Variants in AFAP1L1 observed in about 807,000 individuals in gnomAD.
The protein encoded by AFAP1L1 is actin filament-associated protein 1-like 1.
In AFAP1L1, 77 loss-of-function variants were observed where a neutral mutation model predicts 99.8. The ratio of observed to expected loss-of-function variants is 0.77; its 90% confidence interval spans 0.64 to 0.93. The LOEUF is 0.93. AFAP1L1 is among the 40% of genes least tolerant of loss of function. The probability of loss-of-function intolerance (pLI) is 0.00; values close to 1 mark genes in which losing one functional copy is unlikely to be tolerated. For missense variants in AFAP1L1, 893 were observed against 996.8 expected, an observed-to-expected ratio of 0.90 and a Z score of 1.40; for synonymous variants, 373 against 395.3, an observed-to-expected ratio of 0.94 and a Z score of 0.67.
intron 5 of AFAP1L1, among the ~76,000 whole-genome samples, chr5:149,302,907 C>G (rs1219633437): frequency 1.3e-5 from 2 of 152,178 alleles, no homozygotes; most frequent in Non-Finnish European, 2.9e-5. Flanking sequence ...AAACTGCTAA[C>G]CCAAGTGCTC....
chr5:149,303,975 C>G (rs1047797016), intron 5 of AFAP1L1, among the ~76,000 whole-genome samples: 6 of 152,164 alleles, frequency 3.9e-5, no homozygotes, highest in African/African-American at 1.2e-4. Context: ...TATCTAGTCC[C>G]CAAACATTGT....
intron 7 of AFAP1L1, among the ~76,000 whole-genome samples, chr5:149,307,818 T>TTCTCTCTCTCTCTC (rs70973517): frequency 0.13 from 12,951 of 100,288 alleles, 2,557 homozygotes; most frequent in African/African-American, 0.16. Flanking sequence ...GTGCCTCTCT[T>TTCTCTCTCTCTCTC]TCTCTCTCTC....
Position 149,339,896 on chromosome 5 carries a change from C to T in AFAP1L1, c.2284-111C>T, listed in dbSNP as rs368786735. On this transcript the variant is annotated intron_variant, in intron 18 of 18. Transcript: ENST00000296721. ...AGAGAGAGAGGGGGTTAGAACCCAA[C>T]GCAACCTGGCTAGTGGAGATCTTCA... The T allele has an allele frequency of 1.2e-4, 148 of 1,184,046 alleles. 2 individuals are homozygous for T. The South Asian group carries it at 1.4e-3, about 11-fold the overall frequency. The allele number at this position is 1,184,046 out of a possible 1,614,324, so 73.3% of individuals were successfully genotyped here.
At chr5:149,281,249 T>C (rs1755511883) in intron 1 of AFAP1L1, among the ~76,000 whole-genome samples, 1 of 152,128 alleles carries the variant, frequency 6.6e-6, no homozygotes, top group African/African-American at 2.4e-5. Context: ...CAGCCCTGAG[T>C]TTCTTTTCTG....
chr5:149,340,258 G>C lies in AFAP1L1; in HGVS notation c.*228G>C. 1.9e-6 allele frequency: 1 copy of C among 531,014 alleles called. No individual in the cohort carries two copies. The highest frequency in any genetic ancestry group is 3.1e-5 in the Admixed American group (1 of 32,558). The allele number at this position is 531,014 out of a possible 1,614,324, so 32.9% of individuals were successfully genotyped here. On this transcript the variant is annotated 3_prime_UTR_variant, in exon 19 of 19. Transcript: ENST00000296721. ...CATCCTTATGACTTTACAAAGGGTG[G>C]AAATGAGGATGGAGGGATACAGAAG... is the stretch of plus-strand genomic sequence containing the variant.
intron 1 of AFAP1L1, among the ~76,000 whole-genome samples, chr5:149,279,579 A>G (rs531550474): frequency 6.6e-6 from 1 of 152,224 alleles, no homozygotes; most frequent in Non-Finnish European, 1.5e-5. Context: ...GCCTGATGCA[A>G]TTAAGGACAG....
intron 14 of AFAP1L1, among the ~76,000 whole-genome samples, chr5:149,321,830 A>G (rs1756961479): frequency 6.6e-6 from 1 of 151,614 alleles, no homozygotes; most frequent in Non-Finnish European, 1.5e-5. Context: ...ACTTAAGCCC[A>G]GGAGTTTGAG....
intron 1 of AFAP1L1, among the ~76,000 whole-genome samples, chr5:149,274,748 G>A (rs542591404): frequency 3.3e-5 from 5 of 152,106 alleles, no homozygotes; most frequent in Non-Finnish European, 5.9e-5. Context: ...GTGTGGTGGC[G>A]GGCGCCTGTA....
chr5:149,305,859 CAG>C (rs1252942347), intron 5 of AFAP1L1, among the ~76,000 whole-genome samples: 1 of 147,614 alleles, frequency 6.8e-6, no homozygotes, highest in African/African-American at 2.5e-5. Context: ...GTGCAAAAAT[CAG>C]AGCTGCGACC....
At position 149,316,108 on chromosome 5, in the gene AFAP1L1, G is replaced by A. The variant is rs755220444; in HGVS notation, c.1115-43G>A. ...CACAAGGAAGACTAAGGATGGGTGG[G>A]ACTCAGGGCTCCCTCCACTCCCCTG... On this transcript the variant is annotated intron_variant, in intron 10 of 18. Transcript: ENST00000296721. 12 of 1,599,002 alleles carry A rather than the reference G, an allele frequency of 7.5e-6. No individual in the cohort carries two copies. In the South Asian group the frequency reaches 1.3e-4, roughly 18 times the overall value.
intron 1 of AFAP1L1, among the ~76,000 whole-genome samples, chr5:149,277,895 G>T (rs745666842): frequency 6.6e-6 from 1 of 152,132 alleles, no homozygotes; most frequent in African/African-American, 2.4e-5. Context: ...CCCTATGGAG[G>T]CTTCTCCTGG....
chr5:149,305,946 G>A lies in AFAP1L1; in HGVS notation c.437-360G>A, dbSNP rs148597324. On this transcript the variant is annotated intron_variant, in intron 5 of 18. Coordinates refer to ENST00000296721, the MANE Select transcript of AFAP1L1 (RefSeq NM_152406.4). ...CCATGCACACATGCAATGCTCTGGG[G>A]TCATTGAGGAGGAGCTGACCACTCA... Among the ~76,000 whole-genome samples, 5 of 151,542 alleles carry A rather than the reference G, an allele frequency of 3.3e-5. No individual in the cohort carries two copies. In the East Asian group the frequency reaches 9.9e-4, roughly 30 times the overall value.
In AFAP1L1 at chr5:149,316,157, G is replaced by T; in HGVS notation, c.1121G>T (p.Gly374Val). ...GRRETCDHGKGKKSSLAELKG... is the reference protein window; with the variant it reads ...GRRETCDHGKVKKSSLAELKG... ...TGACCCATTTCCCCAACAGGCAAAG[G>T]GAAGAAGAGCAGCCTGGCAGAACTG... The change falls in exon 11 of 19, where the codon GGG (glycine) becomes GTG (valine). Residue 374 changes from glycine (G) to valine (V), a missense_variant. Gly to Val is a moderately radical substitution (Grantham distance 109, BLOSUM62 -3). Coordinates refer to ENST00000296721, the MANE Select transcript of AFAP1L1 (RefSeq NM_152406.4). 6.2e-7 allele frequency: 1 copy of T among 1,613,354 alleles called. No homozygotes were observed. The highest frequency in any genetic ancestry group is 8.5e-7 in the Non-Finnish European group (1 of 1,179,412).
At chr5:149,333,748 C>T (rs934810045) in intron 17 of AFAP1L1, among the ~76,000 whole-genome samples, 2 of 152,208 alleles carry the variant, frequency 1.3e-5, no homozygotes, top group Admixed American at 6.5e-5. Flanking sequence ...AGCTTGTACT[C>T]ACTGGTTGCC....
At chr5:149,285,757 A>G (rs192165204) in intron 1 of AFAP1L1, among the ~76,000 whole-genome samples, 2 of 152,268 alleles carry the variant, frequency 1.3e-5, no homozygotes, top group African/African-American at 4.8e-5. Context: ...CTGCTCCCCA[A>G]GGCCCCAGCT....
At chr5:149,273,817 C>G (rs570524024) in intron 1 of AFAP1L1, among the ~76,000 whole-genome samples, 24 of 152,062 alleles carry the variant, frequency 1.6e-4, no homozygotes, top group African/African-American at 5.5e-4. Flanking sequence ...CCACCACCCC[C>G]ACTCCCCACC....
At position 149,302,467 on chromosome 5, in the gene AFAP1L1, A is replaced by G. The variant is rs143021070; in HGVS notation, c.377A>G (p.Tyr126Cys). 453 of 1,597,370 alleles carry G rather than the reference A, an allele frequency of 2.8e-4. 2 individuals are homozygous for G. In the African/African-American group the frequency reaches 5.0e-3, roughly 18 times the overall value. ...PLPNKPPPED[Y>C]YEEALPLGPG... The stretch of plus-strand genomic sequence containing the variant: ...CCCAACAAGCCTCCCCCTGAGGACT[A>G]CTATGAAGAGGCCCTTCCTCTGGGA... Residue 126 changes from tyrosine (Y) to cysteine (C), a missense_variant, in exon 5 of 19, where the codon TAC becomes TGC. Transcript: ENST00000296721.
Position 149,295,396 on chromosome 5 carries a change from T to G in AFAP1L1, c.17-4113T>G, listed in dbSNP as rs113879126. Among the ~76,000 whole-genome samples the G allele has an allele frequency of 9.4e-3, 1,439 of 152,326 alleles. 15 individuals are homozygous for G. Among genetic ancestry groups the G allele is most frequent in the Non-Finnish European group, 0.016 (1,066 of 68,034 alleles). On this transcript the variant is annotated intron_variant, in intron 1 of 18. Transcript: ENST00000296721. ...GCGCTCATGCAGAACCAAACTGTTC[T>G]TACTTTAGAAACGACTATAGCAAAC...
intron 1 of AFAP1L1, among the ~76,000 whole-genome samples, chr5:149,277,097 T>C (rs1297356918): frequency 4.6e-5 from 7 of 152,250 alleles, no homozygotes; most frequent in African/African-American, 1.7e-4. Flanking sequence ...TTTGCCTTCT[T>C]AATGTCCAAC....
Sources: allele counts gnomAD v4.1 joint callset (sites outside exome capture counted in the v4.1 genomes callset), GRCh38; gene constraint gnomAD v4.1.1; transcripts MANE v1.5; gene names NCBI Gene and HGNC (gene_info 2026-07-23, HGNC 2026-07-21).